XRCC2: variants seen among roughly 807,000 people sequenced by gnomAD.
XRCC2 encodes the protein X-ray repair cross complementing 2.
In XRCC2, 24 loss-of-function variants were observed where a neutral mutation model predicts 27.3. The observed-to-expected ratio is 0.88, with a 90% CI of 0.64 to 1.24. XRCC2 has a LOEUF of 1.24. XRCC2 is among the 50% of genes most tolerant of loss of function. The probability of loss-of-function intolerance (pLI) is 0.00; values close to 1 mark genes in which losing one functional copy is unlikely to be tolerated. For missense variants in XRCC2, 321 were observed against 325.8 expected (o/e 0.99, Z 0.11); for synonymous variants, 106 against 115.4 (o/e 0.92, Z 0.52).
At chr7:152,657,322 G>C (rs760498266) in intron 2 of XRCC2, among the ~76,000 whole-genome samples, 1 of 151,536 alleles carries the variant, frequency 6.6e-6, no homozygotes, top group South Asian at 2.1e-4. Context: ...TTGTTTTTGC[G>C]ACAGTCTTGC....
chr7:152,648,471 T>A lies in XRCC2; in HGVS notation c.*171A>T. The A allele has an allele frequency of 1.6e-6, 1 of 614,996 alleles. No homozygotes were observed. The highest frequency in any genetic ancestry group is 2.6e-6 in the Non-Finnish European group (1 of 387,658). The allele number at this position is 614,996 out of a possible 1,614,324, so 38.1% of individuals were successfully genotyped here. A position where few individuals can be genotyped will look rare whatever the true frequency, so the allele number is the denominator to read the frequency against. On this transcript the variant is annotated 3_prime_UTR_variant, in exon 3 of 3. Coordinates refer to ENST00000359321, the MANE Select transcript of XRCC2 (RefSeq NM_005431.2). ...AGCAGTGGCTCACGCCTGTAATCCC[T>A]GCACTCTAGGAGGCACACATAGGAG...
chr7:152,650,907 C>G (rs1349073879), intron 2 of XRCC2, among the ~76,000 whole-genome samples: 1 of 151,942 alleles, frequency 6.6e-6, no homozygotes, highest in Non-Finnish European at 1.5e-5. Flanking sequence ...AACAAAAACA[C>G]AAAAAAATGC....
At chr7:152,656,023 C>T (rs759719936) in intron 2 of XRCC2, among the ~76,000 whole-genome samples, 3 of 152,010 alleles carry the variant, frequency 2.0e-5, no homozygotes, top group African/African-American at 7.2e-5. Context: ...GATGAGAACA[C>T]ATGGACACAG....
chr7:152,663,227 T>C (rs1245249298), intron 1 of XRCC2, among the ~76,000 whole-genome samples: 1 of 151,850 alleles, frequency 6.6e-6, no homozygotes. Context: ...CAATAGTGGG[T>C]ACCTGCTGAC....
chr7:152,652,351 A>T (rs7787046), intron 2 of XRCC2, among the ~76,000 whole-genome samples: 2 of 151,976 alleles, frequency 1.3e-5, no homozygotes, highest in Non-Finnish European at 2.9e-5. Context: ...CCTGCCAAGC[A>T]TCTTTTACTG....
At chr7:152,659,069 C>T (rs1048849223) in intron 2 of XRCC2, among the ~76,000 whole-genome samples, 22 of 151,972 alleles carry the variant, frequency 1.4e-4, no homozygotes, top group Non-Finnish European at 5.9e-5. Flanking sequence ...AATGGTCGCA[C>T]CATTTTACAA....
intron 2 of XRCC2, among the ~76,000 whole-genome samples, chr7:152,658,778 G>A (rs1190203891): frequency 6.6e-6 from 1 of 152,190 alleles, no homozygotes; most frequent in Non-Finnish European, 1.5e-5. Context: ...TTGTAAGGCT[G>A]AATAATATCA....
chr7:152,649,911 G>A (rs3218533), intron 2 of XRCC2, among the ~76,000 whole-genome samples: 498 of 152,244 alleles, frequency 3.3e-3, no homozygotes, highest in Middle Eastern at 0.01. Flanking sequence ...TGTGGGGGTG[G>A]AGCAGCCATC....
chr7:152,655,622 T>A (rs977455735), intron 2 of XRCC2, among the ~76,000 whole-genome samples: 1 of 152,124 alleles, frequency 6.6e-6, no homozygotes, highest in East Asian at 1.9e-4. Context: ...GGTGCGAGGA[T>A]CACCTGAGCC....
intron 1 of XRCC2, among the ~76,000 whole-genome samples, chr7:152,662,900 AGTTGTGGAAAGACTTCCTCAAGT>A (rs1283690595): frequency 6.6e-6 from 1 of 152,108 alleles, no homozygotes; most frequent in African/African-American, 2.4e-5. Flanking sequence ...AACCAAATCA[AGTTGTGGAAAGACTTCCTCAAGT>A]GATGAAAAAG....
At chr7:152,672,806 GA>G (rs922736710) in intron 1 of XRCC2, among the ~76,000 whole-genome samples, 7 of 151,682 alleles carry the variant, frequency 4.6e-5, no homozygotes, top group African/African-American at 1.5e-4. Flanking sequence ...GTTTTTTAAA[GA>G]AAAAAAACAT....
chr7:152,671,157 G>A (rs897317548), intron 1 of XRCC2, among the ~76,000 whole-genome samples: 13 of 152,184 alleles, frequency 8.5e-5, no homozygotes, highest in African/African-American at 3.1e-4. Flanking sequence ...GGAGGCTGCA[G>A]TGAGCTGAGA....
intron 1 of XRCC2, among the ~76,000 whole-genome samples, chr7:152,666,324 A>T (rs572983550): frequency 6.6e-6 from 1 of 152,036 alleles, no homozygotes; most frequent in Non-Finnish European, 1.5e-5. Context: ...CAATCCTTGC[A>T]TATCAGCCTC....
rs2098027527 is a variant in XRCC2, at chr7:152,649,316, T to C, written c.169A>G (p.Met57Val). The C allele has an allele frequency of 6.2e-7, 1 of 1,610,436 alleles. No individual in the cohort carries two copies. Among genetic ancestry groups the C allele is most frequent in the African/African-American group, 1.3e-5 (1 of 74,818 alleles). ...CATCGTGCTGTTAGGTGATAAAGCA[T>C]TTCTGTTTTTCCTGTTCCTTCTGGG... ...HGPEGTGKTE[M>V]LYHLTARCIL... The change falls in exon 3 of 3, where the codon ATG becomes GTG. Residue 57 changes from methionine (M) to valine (V), a missense_variant. Met to Val is a conservative substitution (Grantham distance 21, BLOSUM62 1). Transcript: ENST00000359321.
Position 152,648,709 on chromosome 7 carries a change from C to T in XRCC2, c.776G>A (p.Cys259Tyr), listed in dbSNP as rs2116987028. The change falls in exon 3 of 3, where the codon TGT (cysteine) becomes TAT (tyrosine). Residue 259 changes from cysteine (C) to tyrosine (Y), a missense_variant. Physicochemically the swap from Cys to Tyr is radical, Grantham distance 194. Transcript: ENST00000359321. ...TTTTTTTAAACTGTTACTTTTTAAA[C>T]AACGTGAAACTAATGAAAATTGGTT... ...SSNQFSLVSR[C>Y]LKSNSLKKHF... 3.1e-6 allele frequency: 5 copies of T among 1,610,012 alleles called. No homozygotes were observed. The highest frequency in any genetic ancestry group is 2.2e-5 in the East Asian group (1 of 44,878).
intron 1 of XRCC2, among the ~76,000 whole-genome samples, chr7:152,674,710 TA>T (rs372916994): frequency 2.3e-4 from 4 of 17,490 alleles, no homozygotes; most frequent in African/African-American, 1.1e-3. Context: ...TATATTTATA[TA>T]ATATATTTTT....
At position 152,648,724 on chromosome 7, in the gene XRCC2, G is replaced by T. The variant is rs1369301843; in HGVS notation, c.761C>A (p.Ser254Ter). The T allele has an allele frequency of 6.2e-7, 1 of 1,613,424 alleles. No homozygotes were observed. Among genetic ancestry groups the T allele is most frequent in the South Asian group, 1.1e-5 (1 of 90,778 alleles). ...QDDSQSSNQF[S>*]LVSRCLKSNS... ...ACTTTTTAAACAACGTGAAACTAAT[G>T]AAAATTGGTTGCTGCTTTGAGAATC... The change falls in exon 3 of 3, where the codon TCA (serine) becomes TAA (stop). Residue 254 changes from serine (S) to a stop codon, truncating the protein, a stop_gained. Transcript: ENST00000359321. LOFTEE classifies it high-confidence loss of function.
chr7:152,662,230 T>C (rs973906088), intron 1 of XRCC2, among the ~76,000 whole-genome samples: 1 of 152,112 alleles, frequency 6.6e-6, no homozygotes. Context: ...CCTCCCAATC[T>C]GCTGGGATTA....
chr7:152,661,234 T>C (rs1430324233), intron 1 of XRCC2, among the ~76,000 whole-genome samples: 4 of 152,212 alleles, frequency 2.6e-5, no homozygotes, highest in African/African-American at 9.7e-5. Flanking sequence ...TTCAGATATT[T>C]TACTTTTTGT....
Sources: gnomAD v4.1 joint callset for allele counts (sites outside exome capture counted in the v4.1 genomes callset) on GRCh38, gnomAD v4.1.1 for gene constraint, MANE v1.5 for transcripts, NCBI Gene and HGNC (gene_info 2026-07-23, HGNC 2026-07-21) for gene names.